Variants in HECW1 observed in about 807,000 individuals in gnomAD.
The protein encoded by HECW1 is HECT, C2 and WW domain containing E3 ubiquitin protein ligase 1.
A neutral mutation model predicts 182.3 loss-of-function variants in HECW1; 61 were observed. The observed-to-expected ratio is 0.33, with a 90% confidence interval of 0.27 to 0.41. HECW1 has a LOEUF of 0.41. HECW1 is among the 10% of genes least tolerant of loss of function. HECW1 has a pLI of 1.00. For synonymous variants in HECW1, 859 were observed against 832.6 expected (o/e 1.03, Z -0.55); for missense variants, 1,739 against 2,108.9 (o/e 0.82, Z 3.44).
At chr7:43,131,894 T>A (rs1786963671) in intron 2 of HECW1, among the ~76,000 whole-genome samples, 1 of 152,176 alleles carries the variant, frequency 6.6e-6, no homozygotes, top group Non-Finnish European at 1.5e-5. Flanking sequence ...TCCTTCTGTC[T>A]CCTCCTGCTG....
At chr7:43,509,234 G>C in intron 24 of HECW1, 113 bp downstream of exon 24, 1 of 932,320 alleles carries the variant, frequency 1.1e-6, no homozygotes, top group Non-Finnish European at 1.6e-6. Context: ...CAGATGTTAT[G>C]AGGGATGAGA....
chr7:43,538,470 G>A lies in HECW1; in HGVS notation c.4020-2693G>A, dbSNP rs1035918927. ...AAATAGGTAACAATTAAATAGTGAA[G>A]TTTTCCAGAAGAAGAAACTGAGAAG... On this transcript the variant is annotated intron_variant, in intron 24 of 29. Transcript: ENST00000395891. Among the ~76,000 whole-genome samples the A allele has an allele frequency of 3.3e-5, 5 of 152,300 alleles. 1 individual carries two copies. The East Asian group carries it at 7.7e-4, about 23-fold the overall frequency.
At chr7:43,546,083 C>A (rs2081546979) in intron 26 of HECW1, among the ~76,000 whole-genome samples, 1 of 132,344 alleles carries the variant, frequency 7.6e-6, no homozygotes, top group Non-Finnish European at 1.7e-5. Flanking sequence ...TCTAGATCTT[C>A]TTCCCCTTCT....
At chr7:43,164,387 G>A (rs150393419) in intron 2 of HECW1, among the ~76,000 whole-genome samples, 7 of 149,754 alleles carry the variant, frequency 4.7e-5, no homozygotes, top group Middle Eastern at 3.2e-3. Context: ...TTTTGCATAA[G>A]TTGAGTTGAA....
At chr7:43,162,010 T>C (rs1484131301) in intron 2 of HECW1, among the ~76,000 whole-genome samples, 1 of 152,244 alleles carries the variant, frequency 6.6e-6, no homozygotes, top group African/African-American at 2.4e-5. Flanking sequence ...CTGTGATCAC[T>C]CTTCTCTCAT....
intron 2 of HECW1, among the ~76,000 whole-genome samples, chr7:43,207,581 G>T (rs970507145): frequency 6.6e-6 from 1 of 151,980 alleles, no homozygotes; most frequent in African/African-American, 2.4e-5. Context: ...GATCCCTCTT[G>T]TCTAGCTGAA....
intron 3 of HECW1, among the ~76,000 whole-genome samples, chr7:43,277,889 G>T (rs1803365465): frequency 6.6e-6 from 1 of 152,172 alleles, no homozygotes; most frequent in South Asian, 2.1e-4. Flanking sequence ...GCAGCTTGAT[G>T]TGCTTCCAGG....
intron 7 of HECW1, among the ~76,000 whole-genome samples, chr7:43,406,557 T>C (rs992243312): frequency 6.6e-6 from 1 of 152,214 alleles, no homozygotes; most frequent in African/African-American, 2.4e-5. Context: ...CCTCCATTTG[T>C]TTCACTTGTG....
intron 7 of HECW1, among the ~76,000 whole-genome samples, chr7:43,403,818 C>T (rs974450441): frequency 6.6e-6 from 1 of 152,026 alleles, no homozygotes; most frequent in African/African-American, 2.4e-5. Context: ...GGAGGGGGTA[C>T]TTAACTTGAA....
At chr7:43,116,015 T>C (rs1785016210) in intron 2 of HECW1, among the ~76,000 whole-genome samples, 1 of 152,172 alleles carries the variant, frequency 6.6e-6, no homozygotes, top group Non-Finnish European at 1.5e-5. Flanking sequence ...ATTGAGTGGA[T>C]TTCAGGTCAT....
chr7:43,134,265 A>G (rs939149485), intron 2 of HECW1, among the ~76,000 whole-genome samples: 3 of 149,462 alleles, frequency 2.0e-5, no homozygotes, highest in African/African-American at 7.4e-5. Flanking sequence ...GTGGTGGTGC[A>G]TGCCTGTAAT....
intron 3 of HECW1, among the ~76,000 whole-genome samples, chr7:43,300,762 A>G (rs1241233718): frequency 6.6e-6 from 1 of 152,162 alleles, no homozygotes; most frequent in African/African-American, 2.4e-5. Context: ...CATAATCCCA[A>G]TGACTGGCAC....
At chr7:43,360,137 A>G (rs541495172) in intron 5 of HECW1, among the ~76,000 whole-genome samples, 3 of 152,300 alleles carry the variant, frequency 2.0e-5, no homozygotes, top group Admixed American at 2.0e-4. Flanking sequence ...CACAGATTGT[A>G]AATAATGGAG....
chr7:43,428,106 A>C (rs1289048617), intron 8 of HECW1, among the ~76,000 whole-genome samples: 1 of 152,180 alleles, frequency 6.6e-6, no homozygotes, highest in Non-Finnish European at 1.5e-5. Flanking sequence ...ACCATCTCAG[A>C]ATTCTCTCTA....
At chr7:43,456,215 G>A (rs2077397608) in intron 12 of HECW1, 82 bp from the exon 13 acceptor site, 2 of 1,424,692 alleles carry the variant, frequency 1.4e-6, no homozygotes, top group Non-Finnish European at 1.9e-6. Flanking sequence ...TCTACCTGCA[G>A]AAGACTTGGA....
chr7:43,390,471 G>T (rs2074980293), intron 6 of HECW1, among the ~76,000 whole-genome samples: 1 of 149,282 alleles, frequency 6.7e-6, no homozygotes, highest in African/African-American at 2.5e-5. Flanking sequence ...AGTCTAGGAA[G>T]TCAAAGCTGC....
chr7:43,456,547 G>C, intron 13 of HECW1, 100 bp downstream of exon 13: 1 of 1,104,902 alleles, frequency 9.1e-7, no homozygotes, highest in Non-Finnish European at 1.2e-6. Context: ...ACTGTATGAG[G>C]AGACTGGAAA....
rs1350973680 is a variant in HECW1, at chr7:43,456,281, T to C, written c.2501-16T>C. 1 of 1,595,054 alleles carries C rather than the reference T, an allele frequency of 6.3e-7. No individual in the cohort carries two copies. ...TTGTCCTTGATTTTTCTTTTTGCCT[T>C]TTTATTAAACACTAGACTGGGAAGC... is the stretch of plus-strand genomic sequence containing the variant. On this transcript the variant is annotated splice_polypyrimidine_tract_variant and intron_variant, in intron 12 of 29. Coordinates refer to ENST00000395891, the MANE Select transcript of HECW1 (RefSeq NM_015052.5).
chr7:43,483,875 A>C (rs938935891), intron 17 of HECW1, among the ~76,000 whole-genome samples: 19 of 152,028 alleles, frequency 1.2e-4, no homozygotes, highest in African/African-American at 4.3e-4. Context: ...AAAAGAAGAC[A>C]ATGAAAGCCA....
Sources: allele counts gnomAD v4.1 joint callset (sites outside exome capture counted in the v4.1 genomes callset), GRCh38; gene constraint gnomAD v4.1.1; transcripts MANE v1.5; gene names NCBI Gene and HGNC (gene_info 2026-07-23, HGNC 2026-07-21).